Variants in WASHC5 observed in about 807,000 individuals in gnomAD.
WASHC5 encodes the protein WASH complex subunit strumpellin.
Under a neutral mutation model 150.4 loss-of-function variants are expected in WASHC5, and 101 were observed. The observed-to-expected ratio is 0.67, with a 90% CI of 0.57 to 0.79. WASHC5 has a LOEUF of 0.79. WASHC5 is among the 30% of genes least tolerant of loss of function. The probability of loss-of-function intolerance (pLI) is 0.00; values close to 1 mark genes in which losing one functional copy is unlikely to be tolerated. For synonymous variants in WASHC5, 467 were observed against 491.2 expected (o/e 0.95, Z 0.65); for missense variants, 1,195 against 1,396.3 (o/e 0.86, Z 2.30).
At position 125,044,071 on chromosome 8, in the gene WASHC5, T is replaced by C. The variant is rs951722476; in HGVS notation, c.2691A>G (p.Lys897=). 18 of 1,612,162 alleles carry C rather than the reference T, an allele frequency of 1.1e-5. No homozygotes were observed. The highest frequency in any genetic ancestry group is 1.5e-5 in the Non-Finnish European group (18 of 1,178,356). ...ELQNFLSMFQ[K]IILRDRTVQD... The stretch of plus-strand genomic sequence containing the variant: ...GAACAGTTCTGTCTCTCAGGATAAT[T>C]TTCTGAAACATACTGAGGAAATTCT... Residue 897 remains lysine (K), a synonymous_variant, in exon 22 of 29, where the codon AAA becomes AAG. Coordinates refer to ENST00000318410, the MANE Select transcript of WASHC5 (RefSeq NM_014846.4).
At chr8:125,036,002 C>A (rs1204645312) in intron 26 of WASHC5, among the ~76,000 whole-genome samples, 2 of 152,132 alleles carry the variant, frequency 1.3e-5, no homozygotes. Flanking sequence ...TATGTAACTA[C>A]AAAAATATTC....
intron 1 of WASHC5, among the ~76,000 whole-genome samples, chr8:125,090,767 T>C (rs1045838746): frequency 2.6e-5 from 4 of 152,250 alleles, no homozygotes; most frequent in African/African-American, 9.6e-5. Context: ...GGTCTATTTT[T>C]AGCCTTTCGC....
intron 17 of WASHC5, among the ~76,000 whole-genome samples, chr8:125,051,717 G>C (rs183397158): frequency 4.7e-4 from 71 of 152,168 alleles, no homozygotes; most frequent in African/African-American, 1.6e-3. Flanking sequence ...GAGAAACCCC[G>C]TCTCTACTAA....
chr8:125,066,256 A>G (rs1482813139), intron 10 of WASHC5, among the ~76,000 whole-genome samples: 2 of 152,228 alleles, frequency 1.3e-5, no homozygotes, highest in Non-Finnish European at 2.9e-5. Context: ...CACAGGCATT[A>G]TCATTATGTT....
chr8:125,033,094 G>C (rs554947167), intron 26 of WASHC5, among the ~76,000 whole-genome samples: 2 of 152,136 alleles, frequency 1.3e-5, no homozygotes, highest in Non-Finnish European at 1.5e-5. Flanking sequence ...CTGCCAAAAT[G>C]TGGAGACCCT....
intron 26 of WASHC5, among the ~76,000 whole-genome samples, chr8:125,034,983 C>T (rs1815656465): frequency 6.6e-6 from 1 of 152,182 alleles, no homozygotes; most frequent in Admixed American, 6.5e-5. Flanking sequence ...TTCGGATATA[C>T]AGTTTCAAGG....
chr8:125,050,689 A>C (rs1391115102), intron 17 of WASHC5, 24 bp from the exon 18 acceptor site: 3 of 1,581,692 alleles, frequency 1.9e-6, no homozygotes, highest in Non-Finnish European at 8.7e-7. Flanking sequence ...AAAAGTATTA[A>C]ATGATAGTTA....
At chr8:125,063,934 A>G (rs1461650741) in intron 10 of WASHC5, among the ~76,000 whole-genome samples, 2 of 152,088 alleles carry the variant, frequency 1.3e-5, no homozygotes, top group African/African-American at 4.8e-5. Context: ...ACCCCCAAAG[A>G]TTCTCGTTCA....
At chr8:125,054,742 C>T (rs1313484907) in intron 17 of WASHC5, among the ~76,000 whole-genome samples, 1 of 151,706 alleles carries the variant, frequency 6.6e-6, no homozygotes, top group Non-Finnish European at 1.5e-5. Flanking sequence ...TGGTGTGAAC[C>T]CGGGAGGTGG....
At chr8:125,069,598 T>C (rs969230067) in intron 9 of WASHC5, among the ~76,000 whole-genome samples, 2 of 152,206 alleles carry the variant, frequency 1.3e-5, no homozygotes, top group Admixed American at 6.5e-5. Flanking sequence ...GCTTTAGTTA[T>C]GATGAAGCCT....
intron 1 of WASHC5, among the ~76,000 whole-genome samples, chr8:125,087,124 T>G (rs1563639438): frequency 6.6e-6 from 1 of 152,212 alleles, no homozygotes; most frequent in Non-Finnish European, 1.5e-5. Flanking sequence ...GAGATTCAGT[T>G]TTGAGGACTA....
At position 125,032,294 on chromosome 8, in the gene WASHC5, C is replaced by G. The variant is rs749478956; in HGVS notation, c.3282G>C (p.Gln1094His). Residue 1094 changes from glutamine to histidine, a missense_variant, in exon 27 of 29, where the codon CAG (glutamine) becomes CAC (histidine). By Grantham distance (24) the Gln-to-His change is conservative (BLOSUM62 0). Transcript: ENST00000318410. ...LKQFHSRYTE[Q>H]FLALIGQFIC... The stretch of plus-strand genomic sequence containing the variant: ...TAAACTGGCCAATCAGCGCCAGGAA[C>G]TGCTCGGTGTACCGGGAATGGAACT... 1 of 1,614,186 alleles carries G rather than the reference C, an allele frequency of 6.2e-7. No individual in the cohort carries two copies. Among genetic ancestry groups the G allele is most frequent in the East Asian group, 2.2e-5 (1 of 44,868 alleles).
intron 26 of WASHC5, among the ~76,000 whole-genome samples, chr8:125,035,407 T>C (rs2129975402): frequency 6.6e-6 from 1 of 152,370 alleles, no homozygotes; most frequent in East Asian, 1.9e-4. Context: ...CTTTCTGCAC[T>C]GACAGTTCAT....
intron 9 of WASHC5, among the ~76,000 whole-genome samples, chr8:125,072,199 C>T (rs1449308915): frequency 6.6e-6 from 1 of 151,800 alleles, no homozygotes; most frequent in Non-Finnish European, 1.5e-5. Flanking sequence ...AAAAACTTAG[C>T]CAGGCATGAT....
chr8:125,046,208 G>A (rs1816062584), intron 20 of WASHC5, among the ~76,000 whole-genome samples: 2 of 152,138 alleles, frequency 1.3e-5, no homozygotes, highest in South Asian at 4.1e-4. Flanking sequence ...CTTCTGCTCA[G>A]TGAGCCTGTG....
intron 6 of WASHC5, among the ~76,000 whole-genome samples, chr8:125,077,755 T>C: frequency 6.6e-6 from 1 of 152,164 alleles, no homozygotes; most frequent in Non-Finnish European, 1.5e-5. Flanking sequence ...TGCCATCTAC[T>C]TTACAGGGCT....
At chr8:125,090,894 G>T (rs1250699582) in intron 1 of WASHC5, among the ~76,000 whole-genome samples, 1 of 152,204 alleles carries the variant, frequency 6.6e-6, no homozygotes, top group Non-Finnish European at 1.5e-5. Flanking sequence ...GAAAAGTTCT[G>T]AAATGAGGCT....
chr8:125,059,342 T>C (rs768853276), intron 13 of WASHC5, 34 bp downstream of exon 13: 4 of 1,613,712 alleles, frequency 2.5e-6, no homozygotes, highest in South Asian at 1.1e-5. Context: ...CTAGGGCCTT[T>C]CATCTACAGC....
At chr8:125,029,526 A>C (rs1373909720) in intron 27 of WASHC5, among the ~76,000 whole-genome samples, 2 of 152,172 alleles carry the variant, frequency 1.3e-5, no homozygotes, top group Non-Finnish European at 2.9e-5. Context: ...TCATATGTTC[A>C]TCTTTGTTTC....
Sources: gnomAD v4.1 joint callset for allele counts (sites outside exome capture counted in the v4.1 genomes callset) on GRCh38, gnomAD v4.1.1 for gene constraint, MANE v1.5 for transcripts, NCBI Gene and HGNC (gene_info 2026-07-23, HGNC 2026-07-21) for gene names.